The following TASP1 variants were observed in gnomAD, a reference collection of about 807,000 sequenced individuals.
TASP1 encodes the protein threonine aspartase 1.
TASP1 carries 16 observed loss-of-function variants against 56.6 expected under a neutral mutation model. The ratio of observed to expected loss-of-function variants is 0.28; its 90% CI spans 0.19 to 0.43. TASP1 has a LOEUF of 0.43. TASP1 is among the 20% of genes least tolerant of loss of function. The pLI, the probability that TASP1 is intolerant of heterozygous loss-of-function variation, is 1.00. For missense variants in TASP1, 393 were observed against 511.6 expected (o/e 0.77, Z 2.24); for synonymous variants, 179 against 184.2 (o/e 0.97, Z 0.23).
chr20:13,221,923 G>A, the TASP1 span: 9 of 1,334,634 alleles, frequency 6.7e-6, no homozygotes, highest in East Asian at 1.6e-4. Context: ...AGGTGAGTGC[G>A]CCGCCGGAGA....
chr20:13,557,526 C>A (rs969927287), intron 8 of TASP1, among the ~76,000 whole-genome samples: 44 of 145,424 alleles, frequency 3.0e-4, no homozygotes, highest in Non-Finnish European at 6.4e-4. Context: ...TTTATAAAAA[C>A]TGATTAAATC....
chr20:13,586,514 G>C lies in TASP1; in HGVS notation c.403+736C>G, dbSNP rs188000159. Among the ~76,000 whole-genome samples the C allele has an allele frequency of 3.6e-3, 541 of 152,206 alleles. 2 individuals carry two copies. Among genetic ancestry groups the C allele is most frequent in the Non-Finnish European group, 5.8e-3 (397 of 68,012 alleles). On this transcript the variant is annotated intron_variant, in intron 5 of 13. Transcript: ENST00000337743. ...GTTAGCATGAGGGAAGAGAGCACAA[G>C]AAGTATGGACCAAGGAGAAGCATAA...
chr20:13,281,604 A>C, the TASP1 span, among the ~76,000 whole-genome samples: 3 of 152,224 alleles, frequency 2.0e-5, no homozygotes, highest in African/African-American at 4.8e-5. Flanking sequence ...GTCTGGGTCC[A>C]GAATCTGTCC....
At chr20:13,123,687 C>T in the TASP1 span, among the ~76,000 whole-genome samples, 1 of 152,300 alleles carries the variant, frequency 6.6e-6, no homozygotes, top group South Asian at 2.1e-4. Context: ...ATTCTATGCC[C>T]ATAAGATGCC....
chr20:13,489,109 C>T (rs1249122636), intron 10 of TASP1, among the ~76,000 whole-genome samples: 2 of 152,138 alleles, frequency 1.3e-5, no homozygotes, highest in East Asian at 3.9e-4. Context: ...TGAAGATCTG[C>T]TTCACACACT....
intron 13 of TASP1, among the ~76,000 whole-genome samples, chr20:13,403,233 A>C (rs1304782401): frequency 6.6e-6 from 1 of 151,500 alleles, no homozygotes; most frequent in Non-Finnish European, 1.5e-5. Flanking sequence ...ATTAACATTA[A>C]CTTGCAAGTT....
At chr20:13,131,538 A>G in the TASP1 span, among the ~76,000 whole-genome samples, 1 of 152,174 alleles carries the variant, frequency 6.6e-6, no homozygotes, top group Non-Finnish European at 1.5e-5. Flanking sequence ...TACTTCTGCA[A>G]ATTTTCCAAT....
chr20:13,433,520 C>CA (rs74746255), intron 12 of TASP1, among the ~76,000 whole-genome samples: 41,461 of 89,074 alleles, frequency 0.47, 8,794 homozygotes, highest in Non-Finnish European at 0.51. Flanking sequence ...GACAGTATGG[C>CA]AAAAAAAAAA....
the TASP1 span, among the ~76,000 whole-genome samples, chr20:13,249,884 C>T: frequency 6.6e-6 from 1 of 152,134 alleles, no homozygotes; most frequent in African/African-American, 2.4e-5. Context: ...TTTCTGCACT[C>T]TCTTTTCCTT....
the TASP1 span, chr20:13,368,686 A>C: frequency 6.6e-6 from 1 of 152,232 alleles, no homozygotes; most frequent in Non-Finnish European, 1.5e-5. Flanking sequence ...ATGGAAGGGA[A>C]CTGTCAGTGA....
chr20:13,278,805 G>A, the TASP1 span, among the ~76,000 whole-genome samples: 9 of 152,310 alleles, frequency 5.9e-5, no homozygotes, highest in South Asian at 2.1e-4. Context: ...GAAGATCCAC[G>A]ATGGCCCTAC....
chr20:13,295,568 C>T, the TASP1 span, among the ~76,000 whole-genome samples: 1 of 152,166 alleles, frequency 6.6e-6, no homozygotes, highest in African/African-American at 2.4e-5. Flanking sequence ...GTCCATTAGA[C>T]ACCTCCAAGA....
chr20:13,403,467 C>T lies in TASP1; in HGVS notation c.1171-13015G>A, dbSNP rs187985621. On this transcript the variant is annotated intron_variant, in intron 13 of 13. Coordinates refer to ENST00000337743, the MANE Select transcript of TASP1 (RefSeq NM_017714.3). The stretch of plus-strand genomic sequence containing the variant: ...CCTCCACCACTACTGCTGCCACCAC[C>T]ACCCATCATAACAAATGCAGCATCT... Among the ~76,000 whole-genome samples, 304 of 152,284 alleles carry T rather than the reference C, an allele frequency of 2.0e-3. 2 individuals carry two copies. Among genetic ancestry groups the T allele is most frequent in the Middle Eastern group, 3.4e-3 (1 of 294 alleles).
At chr20:13,191,802 T>C in the TASP1 span, among the ~76,000 whole-genome samples, 3 of 152,228 alleles carry the variant, frequency 2.0e-5, no homozygotes, top group South Asian at 2.1e-4. Flanking sequence ...TGAATTGCCT[T>C]GATTTGATCA....
At chr20:13,454,432 A>G (rs940871826) in intron 11 of TASP1, among the ~76,000 whole-genome samples, 4 of 152,096 alleles carry the variant, frequency 2.6e-5, no homozygotes, top group Non-Finnish European at 5.9e-5. Flanking sequence ...GTATCCTAGC[A>G]TGGCTGAATG....
intron 2 of TASP1, among the ~76,000 whole-genome samples, chr20:13,626,000 A>G (rs2048873707): frequency 6.6e-6 from 1 of 152,238 alleles, no homozygotes; most frequent in Admixed American, 6.5e-5. Context: ...CAAGAAGGAA[A>G]CAAAGACAAG....
chr20:13,593,867 T>C (rs1057003498), intron 4 of TASP1, among the ~76,000 whole-genome samples: 4 of 152,218 alleles, frequency 2.6e-5, no homozygotes, highest in African/African-American at 9.6e-5. Context: ...CAGCATTTCA[T>C]TTCAGCTCTG....
chr20:13,629,566 G>A (rs902222725), intron 2 of TASP1, among the ~76,000 whole-genome samples: 3 of 151,386 alleles, frequency 2.0e-5, no homozygotes, highest in Admixed American at 2.0e-4. Flanking sequence ...CCACCTCCTG[G>A]GTTCAAGCAA....
intron 6 of TASP1, among the ~76,000 whole-genome samples, chr20:13,576,926 C>T (rs2046946333): frequency 6.6e-6 from 1 of 152,154 alleles, no homozygotes; most frequent in Non-Finnish European, 1.5e-5. Flanking sequence ...ACAATTGCCT[C>T]ATCTTACTCC....
Sources: gnomAD v4.1 joint callset for allele counts (sites outside exome capture counted in the v4.1 genomes callset) on GRCh38, gnomAD v4.1.1 for gene constraint, MANE v1.5 for transcripts, NCBI Gene and HGNC (gene_info 2026-07-23, HGNC 2026-07-21) for gene names.